Variants in FURIN observed in about 807,000 individuals in gnomAD.
FURIN encodes FES upstream region.
A neutral mutation model predicts 89.2 loss-of-function variants in FURIN; 18 were observed. The ratio of observed to expected loss-of-function variants is 0.20; its 90% CI spans 0.14 to 0.30. FURIN has a LOEUF of 0.30. Among genes scored for constraint, FURIN ranks in the 10% least tolerant of loss-of-function variants. The pLI is 1.00. For synonymous variants in FURIN, 508 were observed against 466.4 expected (o/e 1.09, Z -1.15); for missense variants, 879 against 1,100.5 (o/e 0.80, Z 2.85).
intron 9 of FURIN, 74 bp downstream of exon 9, chr15:90,879,050 G>A (rs1455076132): frequency 4.1e-6 from 4 of 969,382 alleles, no homozygotes; most frequent in Non-Finnish European, 6.3e-6. Context: ...CTCTTTTGGA[G>A]GCTGTCTGCC....
intron 7 of FURIN, among the ~76,000 whole-genome samples, chr15:90,877,894 CT>C (rs1395187318): frequency 2.0e-5 from 3 of 152,226 alleles, no homozygotes; most frequent in Non-Finnish European, 2.9e-5. Context: ...ACCAGAGACT[CT>C]TTCTAGTCCT....
chr15:90,877,667 T>C (rs1281847266), intron 7 of FURIN, 52 bp downstream of exon 7: 4 of 1,294,752 alleles, frequency 3.1e-6, no homozygotes, highest in Non-Finnish European at 4.3e-6. Flanking sequence ...TCAGTGGAAT[T>C]TTTCCCGCCC....
At position 90,881,025 on chromosome 15, in the gene FURIN, A is replaced by G. The variant is rs199904269; in HGVS notation, c.1777A>G (p.Ser593Gly). The G allele has an allele frequency of 1.0e-4, 164 of 1,612,924 alleles. No individual in the cohort carries two copies. The East Asian group carries it at 2.7e-3, about 26-fold the overall frequency. ...CAGTGGCTGCAAGACCCTCACGTCC[A>G]GTCAGGCCTGTGTGGGTCAGTAGTG... is the stretch of plus-strand genomic sequence containing the variant. The part of the protein sequence containing the change: ...ESSGCKTLTS[S>G]QACVVCEEGF... The change falls in exon 15 of 16, where the codon AGT becomes GGT. Residue 593 changes from serine to glycine, a missense_variant. Physicochemically the swap from Ser to Gly is moderately conservative, Grantham distance 56. This residue lies in a region of FURIN where 457 missense variants were observed against 490.7 expected (regional missense o/e 0.93). Coordinates refer to ENST00000268171, the MANE Select transcript of FURIN (RefSeq NM_002569.4). The surrounding 1 kb of genome is among the most constrained non-coding windows in gnomAD (Gnocchi z 4.3).
In FURIN at chr15:90,881,784, C is replaced by T. The variant is rs528245274; in HGVS notation, c.2291C>T (p.Pro764Leu). The change falls in exon 16 of 16, where the codon CCT (proline) becomes CTT (leucine). Residue 764 changes from proline (P) to leucine (L), a missense_variant. This residue lies in a region of FURIN where 457 missense variants were observed against 490.7 expected (regional missense o/e 0.93). Transcript: ENST00000268171. This position sits in a 1 kb window ranked among gnomAD's most constrained non-coding sequence, Gnocchi z 4.3. ...CTCATCTCCTACAAGGGGCTGCCCC[C>T]TGAAGCCTGGCAGGAGGAGTGCCCG... ...RGLISYKGLP[P>L]EAWQEECPSD... 1.5e-5 allele frequency: 24 copies of T among 1,613,562 alleles called. 1 individual carries two copies. The highest frequency in any genetic ancestry group is 1.7e-4 in the Middle Eastern group (1 of 6,060).
At chr15:90,874,497 G>A (rs1472314482) in intron 1 of FURIN, among the ~76,000 whole-genome samples, 1 of 152,220 alleles carries the variant, frequency 6.6e-6, no homozygotes, top group Non-Finnish European at 1.5e-5. Flanking sequence ...CTCAGCCATA[G>A]AGGGAGGTGA....
In FURIN at chr15:90,876,674, C is replaced by T. The variant is rs549253507; in HGVS notation, c.372+117C>T. The T allele has an allele frequency of 2.1e-4, 181 of 841,908 alleles. No homozygotes were observed. In the African/African-American group the frequency reaches 2.6e-3, roughly 12 times the overall value. The allele number at this position is 841,908 out of a possible 1,614,324, so 52.2% of individuals were successfully genotyped here. Reference sequence around the variant, plus strand: ...CTCCTCTGATTCGTTTCCTTTCCTCCTGCTGGGCAGTCTCTCCTTGGCCCA... The same window carrying T: ...CTCCTCTGATTCGTTTCCTTTCCTCTTGCTGGGCAGTCTCTCCTTGGCCCA... On this transcript the variant is annotated intron_variant, in intron 4 of 15. Coordinates refer to ENST00000268171, the MANE Select transcript of FURIN (RefSeq NM_002569.4). This position sits in a 1 kb window ranked among gnomAD's most constrained non-coding sequence, Gnocchi z 5.0.
At chr15:90,874,058 T>C (rs367770568) in intron 1 of FURIN, among the ~76,000 whole-genome samples, 48 of 152,200 alleles carry the variant, frequency 3.2e-4, no homozygotes, top group African/African-American at 1.1e-3. Flanking sequence ...ATGGAAGTGC[T>C]AAGGGCATCC....
intron 1 of FURIN, chr15:90,871,703 GC>G (rs1188053520): frequency 6.7e-6 from 1 of 149,018 alleles, no homozygotes; most frequent in Non-Finnish European, 1.5e-5. Flanking sequence ...GTGGAGCTCT[GC>G]CCCAGGAGCG....
Position 90,881,311 on chromosome 15 carries a change from C to T in FURIN, c.1818C>T (p.His606=), listed in dbSNP as rs1457937576. The part of the protein sequence containing the change: ...CVVCEEGFSL[H]QKSCVQHCPP... ...TGTGCGAGGAAGGCTTCTCCCTGCA[C>T]CAGAAGAGCTGTGTCCAGCACTGCC... Residue 606 remains histidine (H), a synonymous_variant, in exon 16 of 16, where the codon CAC becomes CAT. Transcript: ENST00000268171. The surrounding 1 kb of genome is among the most constrained non-coding windows in gnomAD (Gnocchi z 4.3). 1 of 1,606,138 alleles carries T rather than the reference C, an allele frequency of 6.2e-7. No individual in the cohort carries two copies. Among genetic ancestry groups the T allele is most frequent in the African/African-American group, 1.3e-5 (1 of 74,726 alleles).
chr15:90,875,864 C>G lies in FURIN; in HGVS notation c.124C>G (p.Pro42Ala). ...GTGGGCTGTGCGCATCCCTGGAGGC[C>G]CAGCGGTGGCCAACAGTGTGGCACG... ...NTWAVRIPGGPAVANSVARKH... is the reference protein window; with the variant it reads ...NTWAVRIPGGAAVANSVARKH... Residue 42 changes from proline to alanine, a missense_variant, in exon 2 of 16, where the codon CCA (proline) becomes GCA (alanine). Physicochemically the swap from Pro to Ala is conservative, Grantham distance 27. Around this residue, in one of 5 missense-constraint regions of FURIN, gnomAD observed 125 missense variants for 125.0 expected, o/e 1.00. Coordinates refer to ENST00000268171, the MANE Select transcript of FURIN (RefSeq NM_002569.4). 1 of 1,585,914 alleles carries G rather than the reference C, an allele frequency of 6.3e-7. No homozygotes were observed.
intron 9 of FURIN, among the ~76,000 whole-genome samples, 178 bp from the exon 10 acceptor site, chr15:90,879,266 C>T (rs1459758212): frequency 1.3e-5 from 2 of 152,222 alleles, no homozygotes; most frequent in Admixed American, 6.5e-5. Flanking sequence ...AGGAGGGGCT[C>T]GTCATTAGCA....
intron 1 of FURIN, among the ~76,000 whole-genome samples, chr15:90,870,550 G>T (rs1377381067): frequency 6.6e-6 from 1 of 152,152 alleles, no homozygotes; most frequent in Non-Finnish European, 1.5e-5. Context: ...ATCTCACAGG[G>T]AGCGAGAAGA....
At position 90,875,907 on chromosome 15, in the gene FURIN, A is replaced by T. The variant is rs763990177; in HGVS notation, c.167A>T (p.Asn56Ile). Residue 56 changes from asparagine to isoleucine, a missense_variant, in exon 2 of 16, where the codon AAC (asparagine) becomes ATC (isoleucine). By Grantham distance (149) the Asn-to-Ile change is moderately radical. Transcript: ENST00000268171. ...NSVARKHGFL[N>I]LGQIFGDYYH... is the part of the protein sequence containing the mutation. Reference sequence around the variant, plus strand: ...GTGGCACGGAAGCATGGGTTCCTCAACCTGGGCCAGGTAGGTGTTCCCCCA... The same window carrying T: ...GTGGCACGGAAGCATGGGTTCCTCATCCTGGGCCAGGTAGGTGTTCCCCCA... 2.5e-6 allele frequency: 4 copies of T among 1,584,542 alleles called. No homozygotes were observed. The highest frequency in any genetic ancestry group is 3.4e-6 in the Non-Finnish European group (4 of 1,166,500).
chr15:90,873,981 C>G (rs1339949615), intron 1 of FURIN, among the ~76,000 whole-genome samples: 1 of 152,220 alleles, frequency 6.6e-6, no homozygotes, highest in African/African-American at 2.4e-5. Context: ...GCCTGCCTCT[C>G]TAGCTCCCCA....
rs935694457 is a variant in FURIN, at chr15:90,876,027, A to G, written c.177+110A>G. Reference sequence around the variant, plus strand: ...GCTCAGGGGCATCTGGGTAGCCGGCATGTTCTGGGTGGCCATGAGCAAAGC... The same window carrying G: ...GCTCAGGGGCATCTGGGTAGCCGGCGTGTTCTGGGTGGCCATGAGCAAAGC... On this transcript the variant is annotated intron_variant, in intron 2 of 15. Coordinates refer to ENST00000268171, the MANE Select transcript of FURIN (RefSeq NM_002569.4). The surrounding 1 kb of genome is among the most constrained non-coding windows in gnomAD (Gnocchi z 5.0). The G allele has an allele frequency of 5.4e-5, 54 of 1,005,476 alleles. No individual in the cohort carries two copies. The highest frequency in any genetic ancestry group is 2.6e-5 in the Non-Finnish European group (18 of 692,792). 62.3% of individuals were successfully genotyped at this position (1,005,476 alleles called of 1,614,324 possible). A position where few individuals can be genotyped will look rare whatever the true frequency, so the allele number is the denominator to read the frequency against.
intron 10 of FURIN, 50 bp downstream of exon 10, chr15:90,879,594 T>C (rs781734275): frequency 6.4e-7 from 1 of 1,563,082 alleles, no homozygotes; most frequent in Non-Finnish European, 8.8e-7. Flanking sequence ...GCACTCTCTG[T>C]AGGGCAGCCC....
At chr15:90,872,024 G>T (rs900265789) in intron 1 of FURIN, among the ~76,000 whole-genome samples, 2 of 151,504 alleles carry the variant, frequency 1.3e-5, no homozygotes, top group African/African-American at 4.8e-5. Context: ...CGCAGGCGCC[G>T]GGTGCTCCAG....
chr15:90,876,177 C>A lies in FURIN; in HGVS notation c.178-78C>A. ...CGACCGTGGCGAGCCTCCCATGAAG[C>A]CGTTGTCCACCCCCGTCCCCCGCCT... On this transcript the variant is annotated intron_variant, in intron 2 of 15. Transcript: ENST00000268171. This position sits in a 1 kb window ranked among gnomAD's most constrained non-coding sequence, Gnocchi z 5.0. The A allele has an allele frequency of 3.0e-6, 3 of 1,002,878 alleles. No homozygotes were observed. The highest frequency in any genetic ancestry group is 3.1e-6 in the Non-Finnish European group (2 of 641,766). 62.1% of individuals were successfully genotyped at this position (1,002,878 alleles called of 1,614,324 possible).
intron 1 of FURIN, among the ~76,000 whole-genome samples, chr15:90,874,417 G>A (rs1282615719): frequency 6.6e-6 from 1 of 152,254 alleles, no homozygotes; most frequent in Non-Finnish European, 1.5e-5. Flanking sequence ...GGCAGGGCTT[G>A]GCGGCCCCAG....
Sources: gnomAD v4.1 joint callset for allele counts (sites outside exome capture counted in the v4.1 genomes callset) on GRCh38, gnomAD v4.1.1 for gene constraint, gnomAD v4.1.1 regional missense constraint, Gnocchi (gnomAD v3.1) non-coding constraint, MANE v1.5 for transcripts, NCBI Gene and HGNC (gene_info 2026-07-23, HGNC 2026-07-21) for gene names.